MARK1: variants seen among roughly 807,000 people sequenced by gnomAD.
MARK1 encodes microtubule affinity regulating kinase 1, also known as serine/threonine-protein kinase MARK1.
In MARK1, 40 loss-of-function variants were observed where a neutral mutation model predicts 96.3. The observed-to-expected ratio is 0.42, with a 90% CI of 0.32 to 0.54. The LOEUF (loss-of-function observed/expected upper bound fraction) is 0.54, where lower values mean the gene tolerates loss of function less well. Among genes scored for constraint, MARK1 ranks in the 20% least tolerant of loss-of-function variants. MARK1 has a pLI of 0.16. For synonymous variants in MARK1, 317 were observed against 341.2 expected (o/e 0.93, Z 0.78); for missense variants, 719 against 984.6 (o/e 0.73, Z 3.61).
At chr1:220,543,059 A>G (rs1661253656) in intron 1 of MARK1, among the ~76,000 whole-genome samples, 1 of 152,196 alleles carries the variant, frequency 6.6e-6, no homozygotes, top group African/African-American at 2.4e-5. Context: ...CATTTGTTAC[A>G]ATTGTTAGAA....
At chr1:220,626,588 C>T (rs1466126952) in intron 9 of MARK1, 1 of 389,014 alleles carries the variant, frequency 2.6e-6, no homozygotes, top group East Asian at 6.4e-5. Context: ...TTGGGAGGCC[C>T]AGGCAGGAGA....
intron 3 of MARK1, among the ~76,000 whole-genome samples, chr1:220,585,995 A>ATG (rs1553322909): frequency 2.1e-4 from 5 of 23,472 alleles, no homozygotes; most frequent in African/African-American, 2.8e-4. Flanking sequence ...ACACACACAC[A>ATG]CACACACACA....
chr1:220,646,325 TA>T (rs747555949), intron 13 of MARK1, among the ~76,000 whole-genome samples: 2 of 151,056 alleles, frequency 1.3e-5, no homozygotes, highest in Admixed American at 1.3e-4. Context: ...ACAAAGAAAA[TA>T]AAATACCTAG....
chr1:220,633,548 T>C (rs922341553), intron 11 of MARK1, among the ~76,000 whole-genome samples: 5 of 152,172 alleles, frequency 3.3e-5, no homozygotes, highest in African/African-American at 1.2e-4. Context: ...GCCCTTAGTC[T>C]AGAGACGAGG....
In MARK1 at chr1:220,651,981, G is replaced by T. The variant is rs368347500; in HGVS notation, c.1572-5G>T. 27 of 1,565,496 alleles carry T rather than the reference G, an allele frequency of 1.7e-5. No individual in the cohort carries two copies. The highest frequency in any genetic ancestry group is 3.4e-4 in the Middle Eastern group (2 of 5,906). On this transcript the variant is annotated splice_region_variant and splice_polypyrimidine_tract_variant and intron_variant, in intron 14 of 17. Transcript: ENST00000366917. ...ATGGTCTTCTCAACTGCTTTATGGT[G>T]AAAGCCTTACGGAGATGTCTGTGAG...
intron 13 of MARK1, among the ~76,000 whole-genome samples, chr1:220,644,622 A>G (rs1237322330): frequency 1.3e-5 from 2 of 152,094 alleles, no homozygotes; most frequent in African/African-American, 4.8e-5. Flanking sequence ...GAACAGCAGA[A>G]TATACATTTT....
intron 13 of MARK1, among the ~76,000 whole-genome samples, chr1:220,639,504 A>G (rs1350906751): frequency 6.6e-6 from 1 of 152,210 alleles, no homozygotes; most frequent in African/African-American, 2.4e-5. Flanking sequence ...TGAAGTGTTC[A>G]GAGTTTTTCA....
intron 7 of MARK1, among the ~76,000 whole-genome samples, chr1:220,616,859 C>T (rs543488542): frequency 2.6e-5 from 4 of 152,212 alleles, no homozygotes; most frequent in East Asian, 1.9e-4. Context: ...TGTTTAACTC[C>T]CAGTTTATCA....
At chr1:220,630,587 A>G (rs1042132291) in intron 9 of MARK1, among the ~76,000 whole-genome samples, 1 of 151,946 alleles carries the variant, frequency 6.6e-6, no homozygotes, top group Non-Finnish European at 1.5e-5. Context: ...TTTACTGCCA[A>G]CCCTGATTTT....
intron 1 of MARK1, among the ~76,000 whole-genome samples, chr1:220,578,423 CAA>C (rs1238079958): frequency 6.6e-6 from 1 of 152,264 alleles, no homozygotes; most frequent in East Asian, 1.9e-4. Flanking sequence ...GACCATGAGA[CAA>C]AGTGACATCT....
At chr1:220,593,357 A>G (rs1572142310) in intron 3 of MARK1, among the ~76,000 whole-genome samples, 1 of 152,312 alleles carries the variant, frequency 6.6e-6, no homozygotes, top group Non-Finnish European at 1.5e-5. Context: ...TGCTCATAAA[A>G]TGATTTTATG....
rs952203476 is a variant in MARK1 at position 220,565,032 on chromosome 1, A to G, written c.52-14322A>G. ...ATATTGTAATTTAAAACACTACAGAACTACCTATTTTATGCAAAAGCATGT... is the reference window on the plus strand; with the variant it reads ...ATATTGTAATTTAAAACACTACAGAGCTACCTATTTTATGCAAAAGCATGT... On this transcript the variant is annotated intron_variant, in intron 1 of 17. Transcript: ENST00000366917. Among the ~76,000 whole-genome samples, 11 of 152,312 alleles carry G rather than the reference A, an allele frequency of 7.2e-5. No homozygotes were observed. The East Asian group carries it at 2.1e-3, about 29-fold the overall frequency.
chr1:220,637,295 C>G (rs1019891955), intron 13 of MARK1, among the ~76,000 whole-genome samples: 2 of 152,012 alleles, frequency 1.3e-5, no homozygotes, highest in African/African-American at 4.8e-5. Flanking sequence ...TGAATAGTAT[C>G]CAGGGCATAA....
intron 9 of MARK1, 126 bp from the exon 10 acceptor site, chr1:220,630,899 TGGCCCACTAA>T: frequency 3.2e-6 from 2 of 617,614 alleles, no homozygotes; most frequent in African/African-American, 3.7e-5. Flanking sequence ...CACCTCTTTT[TGGCCCACTAA>T]TCAAACTAGA....
At chr1:220,608,813 AC>A (rs1467804038) in intron 6 of MARK1, among the ~76,000 whole-genome samples, 1 of 151,966 alleles carries the variant, frequency 6.6e-6, no homozygotes, top group African/African-American at 2.4e-5. Context: ...TTTGTTATTC[AC>A]CCAATAGTCA....
intron 6 of MARK1, among the ~76,000 whole-genome samples, chr1:220,611,277 A>G (rs1212667141): frequency 2.0e-5 from 3 of 152,166 alleles, no homozygotes; most frequent in Non-Finnish European, 4.4e-5. Context: ...AAGCCTCAGC[A>G]TTGGCAAATT....
chr1:220,586,356 C>G (rs1038790456), intron 3 of MARK1, among the ~76,000 whole-genome samples: 1 of 152,122 alleles, frequency 6.6e-6, no homozygotes, highest in African/African-American at 2.4e-5. Context: ...TCCCCTCTTC[C>G]CTTAATTAGT....
chr1:220,568,500 G>A (rs1012827018), intron 1 of MARK1, among the ~76,000 whole-genome samples: 1 of 151,900 alleles, frequency 6.6e-6, no homozygotes, highest in Non-Finnish European at 1.5e-5. Flanking sequence ...GGTAATAGGG[G>A]GTCCGACTTT....
chr1:220,630,106 C>T (rs918882183), intron 9 of MARK1, among the ~76,000 whole-genome samples: 5 of 152,184 alleles, frequency 3.3e-5, no homozygotes, highest in Admixed American at 3.3e-4. Flanking sequence ...TGCTCACCAA[C>T]ACTTGTTTCT....
Sources: gnomAD v4.1 joint callset for allele counts (sites outside exome capture counted in the v4.1 genomes callset) on GRCh38, gnomAD v4.1.1 for gene constraint, MANE v1.5 for transcripts, NCBI Gene and HGNC (gene_info 2026-07-23, HGNC 2026-07-21) for gene names.